Variants in FSTL5 observed in about 807,000 individuals in gnomAD.
FSTL5 encodes the protein follistatin-related protein 5.
In FSTL5, 62 loss-of-function variants were observed where a neutral mutation model predicts 89.1. The ratio of observed to expected loss-of-function variants is 0.70; its 90% CI spans 0.57 to 0.86. The LOEUF (loss-of-function observed/expected upper bound fraction) is 0.86. Among genes scored for constraint, FSTL5 ranks in the 40% least tolerant of loss-of-function variants. The probability of loss-of-function intolerance (pLI) is 0.00; values close to 1 mark genes in which losing one functional copy is unlikely to be tolerated. For synonymous variants in FSTL5, 383 were observed against 346.2 expected (o/e 1.11, Z -1.18); for missense variants, 1,057 against 1,001.6 (o/e 1.06, Z -0.75).
At chr4:161,569,796 CA>C (rs1284215298) in intron 8 of FSTL5, among the ~76,000 whole-genome samples, 4,487 of 123,508 alleles carry the variant, frequency 0.036, 90 homozygotes, top group East Asian at 0.081. Flanking sequence ...CACACACACA[CA>C]CACCCCACAT....
intron 7 of FSTL5, among the ~76,000 whole-genome samples, chr4:161,654,344 A>G (rs572980724): frequency 7.2e-5 from 11 of 152,158 alleles, no homozygotes; most frequent in Non-Finnish European, 1.6e-4. Flanking sequence ...CAGTAGTGGA[A>G]AGCTTAAGAG....
chr4:161,898,165 T>G (rs1733230150), intron 4 of FSTL5, among the ~76,000 whole-genome samples: 1 of 148,706 alleles, frequency 6.7e-6, no homozygotes. Context: ...ATAGGTATAT[T>G]GATGTGTATA....
In FSTL5 at chr4:161,903,054, A is replaced by C. The variant is rs978158404; in HGVS notation, c.409+17350T>G. Among the ~76,000 whole-genome samples the C allele has an allele frequency of 5.3e-5, 8 of 152,302 alleles. 1 individual carries two copies. Among genetic ancestry groups the C allele is most frequent in the Admixed American group, 6.5e-5 (1 of 15,302 alleles). On this transcript the variant is annotated intron_variant, in intron 4 of 15. Transcript: ENST00000306100. Reference sequence around the variant, plus strand: ...ATACTAGAAACGGAGTTGAATGTAGACTATATTAAACATCTTTTCAAGACT... The same window carrying C: ...ATACTAGAAACGGAGTTGAATGTAGCCTATATTAAACATCTTTTCAAGACT...
intron 1 of FSTL5, among the ~76,000 whole-genome samples, chr4:162,119,768 C>G (rs774384711): frequency 2.0e-5 from 3 of 152,188 alleles, no homozygotes; most frequent in Non-Finnish European, 4.4e-5. Flanking sequence ...AGAACCTATT[C>G]CTCCCATCTG....
chr4:161,587,540 C>T lies in FSTL5; in HGVS notation c.930G>A (p.Lys310=), dbSNP rs2126607094. The change falls in exon 8 of 16, where the codon AAG becomes AAA. Residue 310 remains lysine (K), a synonymous_variant. Coordinates refer to ENST00000306100, the MANE Select transcript of FSTL5 (RefSeq NM_020116.5). ...FGDDGSLYIT[K]VTTTHVGNYT... is the part of the protein sequence containing the mutation. ...AATTGCCAACGTGAGTTGTGGTAAC[C>T]TTAGTAATATACAAGGACCCATCAT... 1 of 1,611,078 alleles carries T rather than the reference C, an allele frequency of 6.2e-7. No homozygotes were observed. Among genetic ancestry groups the T allele is most frequent in the South Asian group, 1.1e-5 (1 of 90,974 alleles).
At chr4:161,680,771 T>G (rs913859564) in intron 6 of FSTL5, among the ~76,000 whole-genome samples, 1 of 151,958 alleles carries the variant, frequency 6.6e-6, no homozygotes, top group African/African-American at 2.4e-5. Flanking sequence ...ATTTGTCAAG[T>G]AACAAATTTA....
intron 7 of FSTL5, among the ~76,000 whole-genome samples, chr4:161,608,444 T>A (rs576666413): frequency 9.3e-4 from 141 of 152,070 alleles, no homozygotes; most frequent in Non-Finnish European, 1.7e-3. Flanking sequence ...TGCTTCCACA[T>A]GAAAGGATTA....
chr4:161,642,897 T>C (rs1236263300), intron 7 of FSTL5, among the ~76,000 whole-genome samples: 1 of 152,166 alleles, frequency 6.6e-6, no homozygotes, highest in South Asian at 2.1e-4. Context: ...TATAACATTA[T>C]GAATGTATTT....
In FSTL5 at chr4:161,386,150, C is replaced by T. The variant is rs1286247196; in HGVS notation, c.2141G>A (p.Gly714Asp). 2 of 1,613,884 alleles carry T rather than the reference C, an allele frequency of 1.2e-6. No homozygotes were observed. The highest frequency in any genetic ancestry group is 1.6e-4 in the Middle Eastern group (1 of 6,084). ...HYLVSINDVKGLVRVQYITIR... is the reference protein window; with the variant it reads ...HYLVSINDVKDLVRVQYITIR... ...GGTAATGTACTGAACCCTTACAAGA[C>T]CTTTCACATCATTAATGCTGACAAG... is the stretch of plus-strand genomic sequence containing the variant. The change falls in exon 16 of 16, where the codon GGT becomes GAT. Residue 714 changes from glycine to aspartate, a missense_variant. This residue lies in a region of FSTL5 where 980 missense variants were observed against 903.2 expected (regional missense o/e 1.08). Coordinates refer to ENST00000306100, the MANE Select transcript of FSTL5 (RefSeq NM_020116.5).
intron 1 of FSTL5, among the ~76,000 whole-genome samples, chr4:162,156,749 G>A (rs1036466731): frequency 6.6e-6 from 1 of 152,086 alleles, no homozygotes; most frequent in Non-Finnish European, 1.5e-5. Flanking sequence ...CAAGAGTGGA[G>A]AGGCGGGAGG....
At chr4:162,108,867 C>G (rs1173998482) in intron 2 of FSTL5, among the ~76,000 whole-genome samples, 1 of 151,738 alleles carries the variant, frequency 6.6e-6, no homozygotes, top group African/African-American at 2.4e-5. Context: ...ATTTGTTCGC[C>G]ATAATTTATT....
intron 2 of FSTL5, among the ~76,000 whole-genome samples, chr4:162,071,053 A>G (rs190605540): frequency 1.3e-5 from 2 of 151,890 alleles, no homozygotes; most frequent in African/African-American, 4.8e-5. Flanking sequence ...CCACAAAAAT[A>G]AATTAAAAGA....
intron 2 of FSTL5, among the ~76,000 whole-genome samples, chr4:162,109,504 T>C (rs2111403133): frequency 6.6e-6 from 1 of 152,234 alleles, no homozygotes; most frequent in Non-Finnish European, 1.5e-5. Flanking sequence ...TACAGATATA[T>C]AAAATATTAG....
chr4:162,058,980 G>A (rs1378655417), intron 2 of FSTL5, among the ~76,000 whole-genome samples: 1 of 152,022 alleles, frequency 6.6e-6, no homozygotes, highest in Non-Finnish European at 1.5e-5. Context: ...CCTTGGACTA[G>A]TGTAATTCAA....
intron 6 of FSTL5, among the ~76,000 whole-genome samples, chr4:161,681,186 T>C (rs1299312018): frequency 6.6e-6 from 1 of 152,066 alleles, no homozygotes; most frequent in African/African-American, 2.4e-5. Flanking sequence ...ACAGAAATTA[T>C]TAAACTAAAT....
chr4:162,037,987 T>C (rs754543869), intron 2 of FSTL5, among the ~76,000 whole-genome samples: 59 of 151,996 alleles, frequency 3.9e-4, no homozygotes, highest in Non-Finnish European at 7.2e-4. Context: ...AAGAAAATTG[T>C]GATTATTTAA....
intron 15 of FSTL5, among the ~76,000 whole-genome samples, chr4:161,409,584 G>A (rs1385663422): frequency 1.3e-5 from 2 of 152,016 alleles, no homozygotes; most frequent in South Asian, 2.1e-4. Flanking sequence ...GTTTCACCAC[G>A]TTGGCCAGGC....
intron 7 of FSTL5, among the ~76,000 whole-genome samples, chr4:161,643,412 T>A (rs1464351924): frequency 1.3e-5 from 2 of 152,186 alleles, no homozygotes; most frequent in Non-Finnish European, 2.9e-5. Context: ...CCTTTCTGAT[T>A]ATTCCATAGT....
chr4:161,688,281 C>T (rs74611972), intron 6 of FSTL5, among the ~76,000 whole-genome samples: 1,681 of 152,236 alleles, frequency 0.011, 30 homozygotes, highest in African/African-American at 0.038. Flanking sequence ...TGGAATCTTG[C>T]CTTGTTGCCC....
Sources: gnomAD v4.1 joint callset for allele counts (sites outside exome capture counted in the v4.1 genomes callset) on GRCh38, gnomAD v4.1.1 for gene constraint, gnomAD v4.1.1 regional missense constraint, MANE v1.5 for transcripts, NCBI Gene and HGNC (gene_info 2026-07-23, HGNC 2026-07-21) for gene names.